The following MVB12B variants were observed in gnomAD, a reference collection of about 807,000 sequenced individuals.
MVB12B encodes ESCRT-I complex subunit MVB12B.
MVB12B carries 16 observed loss-of-function variants against 41.6 expected under a neutral mutation model. That is an observed-to-expected ratio of 0.38 (90% CI 0.26 to 0.58). MVB12B has a LOEUF of 0.58. Among genes scored for constraint, MVB12B ranks in the 20% least tolerant of loss-of-function variants. The pLI, the probability that MVB12B is intolerant of heterozygous loss-of-function variation, is 0.62. For synonymous variants in MVB12B, 133 were observed against 139.7 expected, an observed-to-expected ratio of 0.95 and a Z score of 0.34; for missense variants, 274 against 380.2, an observed-to-expected ratio of 0.72 and a Z score of 2.32.
chr9:126,352,646 C>T lies in MVB12B; in HGVS notation c.204+12016C>T, dbSNP rs373234797. 1.1e-3 allele frequency among the ~76,000 whole-genome samples: 165 copies of T among 152,280 alleles called. 1 individual carries two copies. The South Asian group carries it at 0.012, about 11-fold the overall frequency. ...GTCATGAGATCCCTAGCTGGTCAGA[C>T]GGATTATTTCACCTTTCAGAGTCTT... On this transcript the variant is annotated intron_variant, in intron 2 of 9. Transcript: ENST00000361171.
intron 7 of MVB12B, among the ~76,000 whole-genome samples, chr9:126,470,203 G>T (rs1298340815): frequency 6.6e-6 from 1 of 152,208 alleles, no homozygotes; most frequent in African/African-American, 2.4e-5. Context: ...GGGGCTGTGA[G>T]TCCCAACCCA....
intron 2 of MVB12B, among the ~76,000 whole-genome samples, chr9:126,350,886 T>C (rs1396083854): frequency 6.6e-6 from 1 of 152,252 alleles, no homozygotes; most frequent in Non-Finnish European, 1.5e-5. Flanking sequence ...TATTTGTCCA[T>C]ATAATCTTAA....
At chr9:126,409,481 T>C (rs113788658) in intron 6 of MVB12B, among the ~76,000 whole-genome samples, 5 of 35,304 alleles carry the variant, frequency 1.4e-4, no homozygotes, top group African/African-American at 3.8e-4. Context: ...AGAATTAAAT[T>C]GGGGGGGGAC....
intron 9 of MVB12B, among the ~76,000 whole-genome samples, chr9:126,488,386 G>C (rs1474897174): frequency 1.3e-5 from 2 of 149,742 alleles, no homozygotes; most frequent in Admixed American, 6.7e-5. Context: ...ACAAGTGGGA[G>C]ACTGCTTTCA....
chr9:126,372,880 G>A (rs1460232706), intron 2 of MVB12B, among the ~76,000 whole-genome samples: 1 of 152,180 alleles, frequency 6.6e-6, no homozygotes, highest in Non-Finnish European at 1.5e-5. Flanking sequence ...CAAGACAGAT[G>A]CGAGAGGGAG....
chr9:126,380,775 A>G (rs1830613990), intron 2 of MVB12B, among the ~76,000 whole-genome samples: 1 of 152,148 alleles, frequency 6.6e-6, no homozygotes, highest in East Asian at 1.9e-4. Flanking sequence ...GACTTACCCA[A>G]TCCCTTCTTG....
At chr9:126,403,226 A>G (rs1831318386) in intron 6 of MVB12B, among the ~76,000 whole-genome samples, 2 of 152,150 alleles carry the variant, frequency 1.3e-5, no homozygotes, top group African/African-American at 2.4e-5. Flanking sequence ...ATCCTCTTAC[A>G]TTAATTAGGT....
chr9:126,446,250 GATT>G (rs1179080584), intron 7 of MVB12B, among the ~76,000 whole-genome samples: 1 of 151,830 alleles, frequency 6.6e-6, no homozygotes, highest in Non-Finnish European at 1.5e-5. Flanking sequence ...GACAGATACA[GATT>G]ATTTTGTTTT....
chr9:126,352,525 A>C (rs1398600202), intron 2 of MVB12B, among the ~76,000 whole-genome samples: 1 of 152,110 alleles, frequency 6.6e-6, no homozygotes, highest in Non-Finnish European at 1.5e-5. Flanking sequence ...GTTTGTGTTT[A>C]CTGCTGTTTC....
chr9:126,375,251 A>G (rs1564296317), intron 2 of MVB12B, among the ~76,000 whole-genome samples: 2 of 141,886 alleles, frequency 1.4e-5, no homozygotes, highest in African/African-American at 5.3e-5. Flanking sequence ...ACAACCTTTT[A>G]TTTTTTTCTT....
intron 1 of MVB12B, among the ~76,000 whole-genome samples, chr9:126,329,188 C>A (rs1030842637): frequency 6.6e-6 from 1 of 152,136 alleles, no homozygotes; most frequent in African/African-American, 2.4e-5. Context: ...ACCTCCTGGA[C>A]CCCAGGTGAC....
chr9:126,347,818 T>C (rs973998598), intron 2 of MVB12B, among the ~76,000 whole-genome samples: 7 of 152,252 alleles, frequency 4.6e-5, no homozygotes, highest in African/African-American at 1.7e-4. Context: ...ATGTGGGACA[T>C]TGGCATATCC....
In MVB12B at chr9:126,503,520, G is replaced by A. The variant is rs1346860045; in HGVS notation, c.*257G>A. On this transcript the variant is annotated 3_prime_UTR_variant, in exon 10 of 10. Coordinates refer to ENST00000361171, the MANE Select transcript of MVB12B (RefSeq NM_033446.3). ...TGTAGTGACCAGCGGCTCCTAACGT[G>A]TCTGTGTGATGACCAGTTGTCCTCC... The A allele has an allele frequency of 5.7e-6, 3 of 528,880 alleles. No homozygotes were observed. The highest frequency in any genetic ancestry group is 6.7e-6 in the Non-Finnish European group (2 of 297,718). 32.8% of individuals were successfully genotyped at this position (528,880 alleles called of 1,614,324 possible). A position where few individuals can be genotyped will look rare whatever the true frequency, so the allele number is the denominator to read the frequency against.
chr9:126,392,345 T>C lies in MVB12B; in HGVS notation c.539+150T>C. On this transcript the variant is annotated intron_variant, in intron 5 of 9. Transcript: ENST00000361171. The surrounding 1 kb of genome is among the most constrained non-coding windows in gnomAD (Gnocchi z 4.8). ...GCCCAGTGCTCCTCGCTGCCCTTCC[T>C]GCTCAGCTGCGGTCTCTCTGAGCCT... is the stretch of plus-strand genomic sequence containing the variant. 1.1e-6 allele frequency: 1 copy of C among 910,404 alleles called. No homozygotes were observed. Among genetic ancestry groups the C allele is most frequent in the Non-Finnish European group, 1.7e-6 (1 of 600,792 alleles). 56.4% of individuals were successfully genotyped at this position (910,404 alleles called of 1,614,324 possible). A position where few individuals can be genotyped will look rare whatever the true frequency, so the allele number is the denominator to read the frequency against.
chr9:126,401,183 C>G (rs10987266), intron 6 of MVB12B, among the ~76,000 whole-genome samples: 1 of 152,118 alleles, frequency 6.6e-6, no homozygotes, highest in Non-Finnish European at 1.5e-5. Flanking sequence ...TTTTCCCACC[C>G]GAAGTCACAG....
chr9:126,364,245 G>T (rs370612853), intron 2 of MVB12B, among the ~76,000 whole-genome samples: 33 of 152,314 alleles, frequency 2.2e-4, no homozygotes, highest in African/African-American at 7.5e-4. Context: ...ACTTAGGCAC[G>T]AGGACCAGTT....
chr9:126,417,333 A>T (rs1160562783), intron 6 of MVB12B, among the ~76,000 whole-genome samples: 7 of 152,216 alleles, frequency 4.6e-5, no homozygotes, highest in Non-Finnish European at 7.3e-5. Flanking sequence ...TTTTAATTTC[A>T]CATTTGCTGC....
chr9:126,443,218 C>G lies in MVB12B; in HGVS notation c.757+21270C>G, dbSNP rs530916227. 2.6e-5 allele frequency among the ~76,000 whole-genome samples: 4 copies of G among 152,276 alleles called. No individual in the cohort carries two copies. The East Asian group carries it at 7.7e-4, about 29-fold the overall frequency. On this transcript the variant is annotated intron_variant, in intron 7 of 9. Transcript: ENST00000361171. ...TTTTGACCATTTCCAAACATGGGACCGTGATTCCTTTCTCTGGAACTCAGT... is the reference window on the plus strand; with the variant it reads ...TTTTGACCATTTCCAAACATGGGACGGTGATTCCTTTCTCTGGAACTCAGT...
rs1447134016 is a variant in MVB12B, at chr9:126,367,989, G to T, written c.205-13075G>T. Among the ~76,000 whole-genome samples the T allele has an allele frequency of 6.6e-6, 1 of 152,216 alleles. No individual in the cohort carries two copies. Among genetic ancestry groups the T allele is most frequent in the Non-Finnish European group, 1.5e-5 (1 of 68,050 alleles). On this transcript the variant is annotated intron_variant, in intron 2 of 9. Transcript: ENST00000361171. This position sits in a 1 kb window ranked among gnomAD's most constrained non-coding sequence, Gnocchi z 4.3. ...GACTTGTGTCCTGAAGAGATGAATT[G>T]CAGCTTAGTGATGATGGCACATGCT... is the stretch of plus-strand genomic sequence containing the variant.
Sources: allele counts gnomAD v4.1 joint callset (sites outside exome capture counted in the v4.1 genomes callset), GRCh38; gene constraint gnomAD v4.1.1; non-coding constraint Gnocchi (gnomAD v3.1); transcripts MANE v1.5; gene names NCBI Gene and HGNC (gene_info 2026-07-23, HGNC 2026-07-21).